The following SORCS1 variants were observed in gnomAD, a reference collection of about 807,000 sequenced individuals.
SORCS1 encodes sortilin related VPS10 domain containing receptor 1, also known as VPS10 domain-containing receptor SorCS1.
Under a neutral mutation model 146.1 loss-of-function variants are expected in SORCS1, and 60 were observed. That is an observed-to-expected ratio of 0.41 (90% CI 0.33 to 0.51). The LOEUF (loss-of-function observed/expected upper bound fraction) is 0.51. SORCS1 is among the 20% of genes least tolerant of loss of function. The pLI is 0.21. For synonymous variants in SORCS1, 637 were observed against 584.0 expected (o/e 1.09, Z -1.31); for missense variants, 1,352 against 1,487.6 (o/e 0.91, Z 1.50).
intron 1 of SORCS1, among the ~76,000 whole-genome samples, chr10:107,016,653 C>G (rs147407015): frequency 2.6e-5 from 4 of 152,236 alleles, no homozygotes; most frequent in Non-Finnish European, 5.9e-5. Flanking sequence ...TAAGCACTAA[C>G]CATAAAAGCA....
intron 1 of SORCS1, among the ~76,000 whole-genome samples, chr10:107,070,042 T>C (rs556841661): frequency 1.3e-5 from 2 of 152,346 alleles, no homozygotes; most frequent in Admixed American, 1.3e-4. Context: ...TGTGGAAGTG[T>C]CTACTCAGAA....
At chr10:106,594,062 C>T (rs1346181342) in intron 24 of SORCS1, among the ~76,000 whole-genome samples, 1 of 152,224 alleles carries the variant, frequency 6.6e-6, no homozygotes, top group Admixed American at 6.5e-5. Context: ...ATTGACTTCC[C>T]TTCCCACATG....
rs368797540 is a variant in SORCS1, at chr10:106,762,059, A to AT, written c.886-399dup. On this transcript the variant is annotated intron_variant, in intron 4 of 25. Coordinates refer to ENST00000263054, the MANE Select transcript of SORCS1 (RefSeq NM_052918.5). ...AGACCTGGTTCTGGAAGAGTACGCA[A>AT]TGTAACCTGAACCTGGCTCACATAA... Among the ~76,000 whole-genome samples the AT allele has an allele frequency of 3.3e-3, 510 of 152,314 alleles. 2 individuals carry two copies. The highest frequency in any genetic ancestry group is 0.012 in the African/African-American group (482 of 41,578).
intron 10 of SORCS1, among the ~76,000 whole-genome samples, chr10:106,686,129 G>T (rs1852813063): frequency 6.6e-6 from 1 of 152,184 alleles, no homozygotes; most frequent in East Asian, 1.9e-4. Context: ...TGGTCCCATT[G>T]GCTGCTGTCT....
intron 5 of SORCS1, among the ~76,000 whole-genome samples, chr10:106,757,627 A>G (rs76809646): frequency 6.6e-6 from 1 of 152,204 alleles, no homozygotes; most frequent in African/African-American, 2.4e-5. Flanking sequence ...TTCTCTAGAA[A>G]AATCATCCAA....
intron 1 of SORCS1, among the ~76,000 whole-genome samples, chr10:107,062,756 T>A (rs1961346976): frequency 6.6e-6 from 1 of 152,206 alleles, no homozygotes; most frequent in Admixed American, 6.5e-5. Flanking sequence ...CGTCAGTATC[T>A]CTTTTCTCTC....
Position 106,688,220 on chromosome 10 carries a change from A to C in SORCS1, c.1532T>G (p.Leu511Arg), listed in dbSNP as rs1009493879. The change falls in exon 10 of 26, where the codon CTA becomes CGA. Residue 511 changes from leucine (L) to arginine (R), a missense_variant. Physicochemically the swap from Leu to Arg is moderately radical, Grantham distance 102 (BLOSUM62 -2). Around this residue, in one of 3 missense-constraint regions of SORCS1, gnomAD observed 648 missense variants for 793.8 expected, o/e 0.82. Transcript: ENST00000263054. ...CAAGCAGTGCACGGGGTCCCCCCTT[A>C]GATCCGTGTCCGGCGCCTGCAGCAA... ...WRLLQAPDTD[L>R]RGDPVHCLLP... The C allele has an allele frequency of 1.2e-6, 2 of 1,614,034 alleles. No individual in the cohort carries two copies. Among genetic ancestry groups the C allele is most frequent in the Non-Finnish European group, 1.7e-6 (2 of 1,179,910 alleles).
At chr10:107,178,406 C>G in the SORCS1 span, among the ~76,000 whole-genome samples, 2 of 151,888 alleles carry the variant, frequency 1.3e-5, no homozygotes, top group East Asian at 3.9e-4. Flanking sequence ...CTGTGCCTGG[C>G]TTATTTCACT....
At chr10:106,589,697 GA>G (rs1157873689) in intron 24 of SORCS1, among the ~76,000 whole-genome samples, 6,366 of 55,766 alleles carry the variant, frequency 0.11, 123 homozygotes, top group Middle Eastern at 0.25. Flanking sequence ...CTTTGACGAC[GA>G]AAAAAAAAAA....
At chr10:106,721,448 AC>A (rs1554909347) in intron 6 of SORCS1, among the ~76,000 whole-genome samples, 1 of 11,188 alleles carries the variant, frequency 8.9e-5, no homozygotes, top group East Asian at 3.0e-3. Flanking sequence ...TTTAAAGTTC[AC>A]TGAAGAAGAA....
intron 2 of SORCS1, among the ~76,000 whole-genome samples, chr10:106,830,422 T>C (rs992280653): frequency 6.6e-6 from 1 of 152,176 alleles, no homozygotes; most frequent in Non-Finnish European, 1.5e-5. Context: ...ACAATAGGGA[T>C]TATTATCTGT....
At chr10:106,866,092 G>T (rs1950213219) in intron 2 of SORCS1, among the ~76,000 whole-genome samples, 1 of 151,398 alleles carries the variant, frequency 6.6e-6, no homozygotes, top group African/African-American at 2.4e-5. Flanking sequence ...CTCCTCACTG[G>T]CCACCCCCGA....
intron 9 of SORCS1, among the ~76,000 whole-genome samples, chr10:106,697,808 C>T (rs1489999171): frequency 6.6e-6 from 1 of 152,094 alleles, no homozygotes; most frequent in African/African-American, 2.4e-5. Flanking sequence ...CAAGTGGCAT[C>T]GCTAGGATTT....
chr10:107,015,715 T>C (rs1157671029), intron 1 of SORCS1, among the ~76,000 whole-genome samples: 1 of 152,222 alleles, frequency 6.6e-6, no homozygotes, highest in East Asian at 1.9e-4. Flanking sequence ...GCAAGGACTC[T>C]TTCCCCATTA....
intron 1 of SORCS1, among the ~76,000 whole-genome samples, chr10:107,037,925 C>G (rs1175516773): frequency 6.6e-6 from 1 of 152,240 alleles, no homozygotes; most frequent in Non-Finnish European, 1.5e-5. Flanking sequence ...CTCCCAGGTT[C>G]AAGCGATTCT....
chr10:106,785,460 C>T (rs1282272252), intron 3 of SORCS1, among the ~76,000 whole-genome samples: 1 of 152,140 alleles, frequency 6.6e-6, no homozygotes, highest in Non-Finnish European at 1.5e-5. Context: ...ACATGTAATA[C>T]ATTTGTTTAC....
chr10:106,818,855 GC>G (rs1947874687), intron 3 of SORCS1, among the ~76,000 whole-genome samples: 1 of 152,044 alleles, frequency 6.6e-6, no homozygotes, highest in African/African-American at 2.4e-5. Flanking sequence ...ACAAATATTT[GC>G]ATCTCTGTGA....
intron 3 of SORCS1, among the ~76,000 whole-genome samples, chr10:106,783,269 A>G (rs1459243543): frequency 6.6e-6 from 1 of 152,244 alleles, no homozygotes; most frequent in Non-Finnish European, 1.5e-5. Flanking sequence ...TCAGGTAGAT[A>G]TCATTATGTC....
At chr10:107,148,740 T>A (rs1174072204) in intron 1 of SORCS1, among the ~76,000 whole-genome samples, 1 of 152,228 alleles carries the variant, frequency 6.6e-6, no homozygotes, top group Non-Finnish European at 1.5e-5. Flanking sequence ...CCCTTCTCCC[T>A]GCCCTAAGAT....
Sources: allele counts gnomAD v4.1 joint callset (sites outside exome capture counted in the v4.1 genomes callset), GRCh38; gene constraint gnomAD v4.1.1; regional missense constraint gnomAD v4.1.1; transcripts MANE v1.5; gene names NCBI Gene and HGNC (gene_info 2026-07-23, HGNC 2026-07-21).